Variants in BCL11B observed in about 807,000 individuals in gnomAD.
The protein encoded by BCL11B is BCL11 transcription factor B, also known as B-cell lymphoma/leukemia 11B.
A neutral mutation model predicts 49.9 loss-of-function variants in BCL11B; 8 were observed. The ratio of observed to expected loss-of-function variants is 0.16; its 90% confidence interval spans 0.09 to 0.29. The LOEUF is 0.29. Ranked by LOEUF, BCL11B falls within the 10% of genes least tolerant of loss-of-function variation. The pLI, the probability that BCL11B is intolerant of heterozygous loss-of-function variation, is 1.00. For synonymous variants in BCL11B, 739 were observed against 637.4 expected (o/e 1.16, Z -2.40); for missense variants, 1,006 against 1,351.0 (o/e 0.74, Z 4.00).
chr14:99,231,460 G>T lies in BCL11B; in HGVS notation c.525C>A (p.Gly175=), dbSNP rs372881820. The stretch of plus-strand genomic sequence containing the variant: ...GCAGGGGGAGGCAGGGCGGGAGAGC[G>T]CCCAGGGCACGCAGAGGTGAAGTGA... The part of the protein sequence containing the change: ...SVITSPLRAL[G]ALPPCLPLPC... Residue 175 remains glycine (G), a synonymous_variant, in exon 3 of 4, where the codon GGC becomes GGA. Coordinates refer to ENST00000357195, the MANE Select transcript of BCL11B (RefSeq NM_138576.4). The surrounding 1 kb of genome is among the most constrained non-coding windows in gnomAD (Gnocchi z 8.1). The T allele has an allele frequency of 6.3e-7, 1 of 1,598,406 alleles. No homozygotes were observed. The highest frequency in any genetic ancestry group is 1.3e-5 in the African/African-American group (1 of 74,610).
intron 3 of BCL11B, among the ~76,000 whole-genome samples, chr14:99,227,995 C>A (rs752452088): frequency 6.6e-6 from 1 of 152,210 alleles, no homozygotes; most frequent in Non-Finnish European, 1.5e-5. Context: ...ATGCTGCCAG[C>A]CCAGGGTGTG....
rs114318429 is a variant in BCL11B, at chr14:99,221,745, G to A, written c.640+9600C>T. ...GGAGCGGTCCTGTCACCTCTCACCT[G>A]TGAACTACAAGAGAAGCTGCCTGGA... On this transcript the variant is annotated intron_variant, in intron 3 of 3. Coordinates refer to ENST00000357195, the MANE Select transcript of BCL11B (RefSeq NM_138576.4). 4.4e-3 allele frequency among the ~76,000 whole-genome samples: 677 copies of A among 152,374 alleles called. 4 individuals are homozygous for A. The highest frequency in any genetic ancestry group is 0.015 in the African/African-American group (641 of 41,592).
intron 3 of BCL11B, among the ~76,000 whole-genome samples, chr14:99,182,966 T>C (rs1003499557): frequency 1.3e-5 from 2 of 152,216 alleles, no homozygotes; most frequent in Non-Finnish European, 2.9e-5. Flanking sequence ...TGTCTACATC[T>C]GACTTTCATT....
intron 2 of BCL11B, among the ~76,000 whole-genome samples, chr14:99,236,319 G>A (rs1194453921): frequency 2.0e-5 from 3 of 152,134 alleles, no homozygotes; most frequent in African/African-American, 7.2e-5. Context: ...GAAAAAAAAT[G>A]CTAAGTATTA....
At chr14:99,269,089 G>C (rs991921658) in intron 1 of BCL11B, among the ~76,000 whole-genome samples, 6 of 151,618 alleles carry the variant, frequency 4.0e-5, no homozygotes, top group Non-Finnish European at 1.5e-5. Flanking sequence ...ACACACAACT[G>C]CAACCACTCC....
rs114926563 is a variant in BCL11B at position 99,225,642 on chromosome 14, A to T, written c.640+5703T>A. Reference sequence around the variant, plus strand: ...CAAACTCCTTTTTAAGACAGCTATTAAAAAAAAAGGGAAAAAAAGAAAGAA... The same window carrying T: ...CAAACTCCTTTTTAAGACAGCTATTTAAAAAAAAGGGAAAAAAAGAAAGAA... On this transcript the variant is annotated intron_variant, in intron 3 of 3. Transcript: ENST00000357195. 9.7e-3 allele frequency among the ~76,000 whole-genome samples: 1,465 copies of T among 151,158 alleles called. 24 individuals carry two copies. Among genetic ancestry groups the T allele is most frequent in the African/African-American group, 0.034 (1,382 of 41,166 alleles).
chr14:99,207,995 G>T (rs896153458), intron 3 of BCL11B, among the ~76,000 whole-genome samples: 4 of 152,208 alleles, frequency 2.6e-5, no homozygotes, highest in Admixed American at 2.6e-4. Context: ...GGAATGGAGA[G>T]AGCAGATGCA....
chr14:99,250,041 T>C (rs1287380875), intron 2 of BCL11B, among the ~76,000 whole-genome samples: 4 of 149,388 alleles, frequency 2.7e-5, no homozygotes, highest in African/African-American at 9.9e-5. Context: ...ATCTTTTTTT[T>C]TTTTTTTTTT....
At chr14:99,209,976 CTCA>C (rs1887641539) in intron 3 of BCL11B, among the ~76,000 whole-genome samples, 1 of 152,142 alleles carries the variant, frequency 6.6e-6, no homozygotes, top group East Asian at 1.9e-4. Flanking sequence ...CCCCGAGACT[CTCA>C]TCAAGGGCTG....
intron 1 of BCL11B, among the ~76,000 whole-genome samples, chr14:99,270,627 G>C (rs1269801440): frequency 6.6e-6 from 1 of 151,948 alleles, no homozygotes; most frequent in African/African-American, 2.4e-5. Flanking sequence ...CAGGGACCGG[G>C]GACCCGGAGC....
At chr14:99,245,039 G>A (rs566571259) in intron 2 of BCL11B, among the ~76,000 whole-genome samples, 21 of 152,278 alleles carry the variant, frequency 1.4e-4, no homozygotes, top group East Asian at 1.4e-3. Flanking sequence ...GGCTACAGGC[G>A]AACAGTATAC....
chr14:99,203,904 C>T (rs998861636), intron 3 of BCL11B, among the ~76,000 whole-genome samples: 1 of 143,932 alleles, frequency 6.9e-6, no homozygotes, highest in African/African-American at 2.8e-5. Context: ...ACGCCCCAAG[C>T]GCCCCTGAAC....
At chr14:99,183,843 CA>C (rs1886778808) in intron 3 of BCL11B, among the ~76,000 whole-genome samples, 1 of 151,990 alleles carries the variant, frequency 6.6e-6, no homozygotes, top group South Asian at 2.1e-4. Context: ...GGGCCCCCTC[CA>C]GAGAGCAGGG....
chr14:99,271,082 G>A (rs575989018), intron 1 of BCL11B, 79 bp downstream of exon 1: 2 of 1,413,664 alleles, frequency 1.4e-6, no homozygotes, highest in East Asian at 3.0e-5. Flanking sequence ...AGGCTCGGCT[G>A]TTCCGGGCTC....
chr14:99,197,634 C>T (rs549723955), intron 3 of BCL11B, among the ~76,000 whole-genome samples: 11 of 152,132 alleles, frequency 7.2e-5, no homozygotes, highest in Admixed American at 2.6e-4. Context: ...CTTCTGACAA[C>T]GCCAAGATAC....
At chr14:99,183,162 T>C (rs1886757379) in intron 3 of BCL11B, among the ~76,000 whole-genome samples, 1 of 152,026 alleles carries the variant, frequency 6.6e-6, no homozygotes, top group African/African-American at 2.4e-5. Context: ...ATTCAAGGGT[T>C]TGACTCACCT....
At chr14:99,181,411 G>A (rs1396661093) in intron 3 of BCL11B, among the ~76,000 whole-genome samples, 5 of 152,218 alleles carry the variant, frequency 3.3e-5, no homozygotes, top group Non-Finnish European at 5.9e-5. Flanking sequence ...GCAAACTGAC[G>A]CTCAGAGAAG....
chr14:99,231,633 C>G lies in BCL11B; in HGVS notation c.428-76G>C. On this transcript the variant is annotated intron_variant, in intron 2 of 3. Transcript: ENST00000357195. The surrounding 1 kb of genome is among the most constrained non-coding windows in gnomAD (Gnocchi z 8.1). Reference sequence around the variant, plus strand: ...GAGGGGCACGGGGTGGGACGGGGCTCGGGGCGTGGGGCTCTGCTCAGGCCA... The same window carrying G: ...GAGGGGCACGGGGTGGGACGGGGCTGGGGGCGTGGGGCTCTGCTCAGGCCA... The G allele has an allele frequency of 2.8e-6, 3 of 1,078,788 alleles. No homozygotes were observed. The highest frequency in any genetic ancestry group is 3.3e-5 in the African/African-American group (2 of 61,294). 66.8% of individuals were successfully genotyped at this position (1,078,788 alleles called of 1,614,324 possible). A position where few individuals can be genotyped will look rare whatever the true frequency, so the allele number is the denominator to read the frequency against.
chr14:99,230,037 G>A (rs1288391137), intron 3 of BCL11B, among the ~76,000 whole-genome samples: 1 of 152,184 alleles, frequency 6.6e-6, no homozygotes, highest in Admixed American at 6.5e-5. Context: ...TAAGGCACAA[G>A]TCCAGTAAGA....
Sources: gnomAD v4.1 joint callset for allele counts (sites outside exome capture counted in the v4.1 genomes callset) on GRCh38, gnomAD v4.1.1 for gene constraint, Gnocchi (gnomAD v3.1) non-coding constraint, MANE v1.5 for transcripts, NCBI Gene and HGNC (gene_info 2026-07-23, HGNC 2026-07-21) for gene names.